DHX30: variants seen among roughly 807,000 people sequenced by gnomAD.
The protein encoded by DHX30 is DExH-box helicase 30, also known as ATP-dependent RNA helicase DHX30.
A neutral mutation model predicts 116.9 loss-of-function variants in DHX30; 4 were observed. The observed-to-expected ratio is 0.03, with a 90% CI of 0.02 to 0.08. The LOEUF (loss-of-function observed/expected upper bound fraction) is 0.08. Among genes scored for constraint, DHX30 ranks in the 10% least tolerant of loss-of-function variants. The probability of loss-of-function intolerance (pLI) is 1.00; values close to 1 mark genes in which losing one functional copy is unlikely to be tolerated. For synonymous variants in DHX30, 697 were observed against 651.7 expected (o/e 1.07, Z -1.06); for missense variants, 871 against 1,595.1 (o/e 0.55, Z 7.73).
At chr3:47,806,665 T>A (rs1226037071) in intron 2 of DHX30, among the ~76,000 whole-genome samples, 2 of 151,914 alleles carry the variant, frequency 1.3e-5, no homozygotes, top group East Asian at 3.9e-4. Context: ...CGTGCTGGTC[T>A]CGAACTCCTG....
At position 47,850,126 on chromosome 3, in the gene DHX30, G is replaced by T. The variant is rs753875060; in HGVS notation, c.*6G>T. 1.3e-6 allele frequency: 2 copies of T among 1,581,298 alleles called. No individual in the cohort carries two copies. Among genetic ancestry groups the T allele is most frequent in the African/African-American group, 1.3e-5 (1 of 74,586 alleles). On this transcript the variant is annotated 3_prime_UTR_variant, in exon 22 of 22. Transcript: ENST00000445061. Reference sequence around the variant, plus strand: ...GCAAGACAGCTGACGACTGAGCCCTGCTTCTGCTGGGGCTGTGTACAGAGT... The same window carrying T: ...GCAAGACAGCTGACGACTGAGCCCTTCTTCTGCTGGGGCTGTGTACAGAGT...
At position 47,846,394 on chromosome 3, in the gene DHX30, A is replaced by T; in HGVS notation, c.1322A>T (p.Asp441Val). ...CAGCTACCTGTGGACCCACATCGGG[A>T]CACCATCCTCAACGCCATTGAGCAG... The part of the protein sequence containing the change: ...APQLPVDPHR[D>V]TILNAIEQHP... Residue 441 changes from aspartate to valine, a missense_variant, in exon 11 of 22, where the codon GAC (aspartate) becomes GTC (valine). By Grantham distance (152) the Asp-to-Val change is radical. This residue lies in a region of DHX30 where 175 missense variants were observed against 292.9 expected (regional missense o/e 0.60). Coordinates refer to ENST00000445061, the MANE Select transcript of DHX30 (RefSeq NM_138615.3). The T allele has an allele frequency of 1.9e-6, 3 of 1,614,084 alleles. No individual in the cohort carries two copies. Among genetic ancestry groups the T allele is most frequent in the Non-Finnish European group, 2.5e-6 (3 of 1,180,040 alleles).
Position 47,847,377 on chromosome 3 carries a change from A to C in DHX30, c.2005+29A>C, listed in dbSNP as rs750367569. 1 of 1,614,194 alleles carries C rather than the reference A, an allele frequency of 6.2e-7. No homozygotes were observed. Among genetic ancestry groups the C allele is most frequent in the African/African-American group, 1.3e-5 (1 of 75,052 alleles). On this transcript the variant is annotated intron_variant, in intron 12 of 21. Coordinates refer to ENST00000445061, the MANE Select transcript of DHX30 (RefSeq NM_138615.3). This position sits in a 1 kb window ranked among gnomAD's most constrained non-coding sequence, Gnocchi z 5.5. ...GGTGCCTCCCCATCTGTCCCATGCT[A>C]GCCCTGGCCACGTTTGCAGCAACAG...
At chr3:47,832,787 C>T (rs2036920633) in intron 6 of DHX30, among the ~76,000 whole-genome samples, 1 of 151,890 alleles carries the variant, frequency 6.6e-6, no homozygotes, top group South Asian at 2.1e-4. Flanking sequence ...CAGGTGTGTG[C>T]CACCATGCTC....
intron 4 of DHX30, chr3:47,819,195 C>CTTT (rs543182585): frequency 8.3e-7 from 1 of 1,205,622 alleles, no homozygotes; most frequent in Non-Finnish European, 1.1e-6. Context: ...GTTGATTGCC[C>CTTT]TTTTTTTTTT....
chr3:47,828,076 T>C (rs2036628084), intron 5 of DHX30, among the ~76,000 whole-genome samples: 1 of 151,752 alleles, frequency 6.6e-6, no homozygotes, highest in South Asian at 2.1e-4. Context: ...CTCAGGGTAG[T>C]CTCAAACCCC....
rs1559723129 is a variant in DHX30 at position 47,847,929 on chromosome 3, G to A, written c.2259G>A (p.Lys753=). The change falls in exon 14 of 22, where the codon AAG becomes AAA. Residue 753 remains lysine (K), a synonymous_variant. Transcript: ENST00000445061. This position sits in a 1 kb window ranked among gnomAD's most constrained non-coding sequence, Gnocchi z 5.5. ...ATGTGGTGGACAGTGGGCTGCACAAGGAAGAACGCTATGACCTGAAGACCA... is the reference window on the plus strand; with the variant it reads ...ATGTGGTGGACAGTGGGCTGCACAAAGAAGAACGCTATGACCTGAAGACCA... ...IVHVVDSGLH[K]EERYDLKTKV... is the part of the protein sequence containing the mutation. The A allele has an allele frequency of 1.9e-6, 3 of 1,614,220 alleles. No homozygotes were observed. The highest frequency in any genetic ancestry group is 2.5e-6 in the Non-Finnish European group (3 of 1,180,024).
At chr3:47,823,788 T>C (rs1249625230) in intron 4 of DHX30, among the ~76,000 whole-genome samples, 1 of 152,174 alleles carries the variant, frequency 6.6e-6, no homozygotes, top group Non-Finnish European at 1.5e-5. Context: ...ATGGCCAGTG[T>C]TGCTTTGTGT....
Position 47,849,432 on chromosome 3 carries a change from T to G in DHX30, c.3088-19T>G. The stretch of plus-strand genomic sequence containing the variant: ...AGCTCCTTGCTCAGCCCCACCCGTC[T>G]TTTCCTCCATCCCTGCAGGTGAGGC... On this transcript the variant is annotated intron_variant, in intron 19 of 21. Transcript: ENST00000445061. 1 of 1,570,254 alleles carries G rather than the reference T, an allele frequency of 6.4e-7. No homozygotes were observed. Among genetic ancestry groups the G allele is most frequent in the Non-Finnish European group, 8.7e-7 (1 of 1,155,298 alleles).
intron 4 of DHX30, among the ~76,000 whole-genome samples, chr3:47,826,729 G>A (rs1017023588): frequency 1.3e-5 from 2 of 152,240 alleles, no homozygotes; most frequent in Non-Finnish European, 2.9e-5. Flanking sequence ...TGGGATTACA[G>A]GCGTGAGCCA....
intron 10 of DHX30, 25 bp from the exon 11 acceptor site, chr3:47,846,140 T>G: frequency 1.9e-6 from 3 of 1,591,632 alleles, no homozygotes; most frequent in Non-Finnish European, 2.6e-6. Flanking sequence ...TTTTTCATTG[T>G]TTTGCTTGCC....
At chr3:47,844,712 G>A (rs2037523308) in intron 9 of DHX30, among the ~76,000 whole-genome samples, 1 of 152,218 alleles carries the variant, frequency 6.6e-6, no homozygotes, top group Admixed American at 6.5e-5. Context: ...GAGGTGACAG[G>A]AACACAAGAC....
intron 3 of DHX30, chr3:47,816,359 T>C (rs1012562829): frequency 3.1e-5 from 24 of 784,076 alleles, no homozygotes; most frequent in Middle Eastern, 6.7e-4. Flanking sequence ...CCGTCTTCTT[T>C]TTTTTTTTTT....
At chr3:47,814,756 A>G (rs62263575) in intron 3 of DHX30, among the ~76,000 whole-genome samples, 95,142 of 151,934 alleles carry the variant, frequency 0.63, 30,590 homozygotes, top group East Asian at 0.72. Context: ...TCCTGACCTC[A>G]TGATCCACCC....
rs2037611873 is a variant in DHX30, at chr3:47,846,443, G to C, written c.1371G>C (p.Gly457=). 1.2e-6 allele frequency: 2 copies of C among 1,614,132 alleles called. No homozygotes were observed. The highest frequency in any genetic ancestry group is 1.1e-5 in the South Asian group (1 of 91,088). Residue 457 remains glycine, a synonymous_variant, in exon 11 of 22, where the codon GGG becomes GGC. Coordinates refer to ENST00000445061, the MANE Select transcript of DHX30 (RefSeq NM_138615.3). ...AGCACCCGGTGGTGGTCATCTCTGGGGACACGGGCTGTGGGAAGACCACGC... is the reference window on the plus strand; with the variant it reads ...AGCACCCGGTGGTGGTCATCTCTGGCGACACGGGCTGTGGGAAGACCACGC... ...IEQHPVVVIS[G]DTGCGKTTRI...
chr3:47,841,849 C>A (rs955608316), intron 8 of DHX30, 112 bp downstream of exon 8: 4 of 1,480,446 alleles, frequency 2.7e-6, no homozygotes, highest in Non-Finnish European at 1.9e-6. Context: ...CCAGCCCAAA[C>A]CTAGGCCAGG....
At chr3:47,832,163 G>A (rs562421245) in intron 6 of DHX30, among the ~76,000 whole-genome samples, 18 of 150,312 alleles carry the variant, frequency 1.2e-4, no homozygotes, top group Non-Finnish European at 3.0e-5. Context: ...CTTCTGCCTC[G>A]GCCTCCCAAA....
At chr3:47,804,074 C>T (rs1355172410) in intron 1 of DHX30, among the ~76,000 whole-genome samples, 1 of 152,194 alleles carries the variant, frequency 6.6e-6, no homozygotes, top group African/African-American at 2.4e-5. Context: ...CTTGAAGTTT[C>T]TTGCAAGGTG....
At position 47,827,571 on chromosome 3, in the gene DHX30, T is replaced by A. The variant is rs911883624; in HGVS notation, c.255+94T>A. The A allele has an allele frequency of 4.1e-6, 6 of 1,473,232 alleles. No homozygotes were observed. The African/African-American group carries it at 8.5e-5, about 21-fold the overall frequency. The allele number at this position is 1,473,232 out of a possible 1,614,324, so 91.3% of individuals were successfully genotyped here. A position where few individuals can be genotyped will look rare whatever the true frequency, so the allele number is the denominator to read the frequency against. On this transcript the variant is annotated intron_variant, in intron 5 of 21. Coordinates refer to ENST00000445061, the MANE Select transcript of DHX30 (RefSeq NM_138615.3). ...TTAGGTTTCTTTGTCAAGGAGGCCA[T>A]AGAATGGGTTTCCTGAATTAAAATG...
Sources: gnomAD v4.1 joint callset for allele counts (sites outside exome capture counted in the v4.1 genomes callset) on GRCh38, gnomAD v4.1.1 for gene constraint, gnomAD v4.1.1 regional missense constraint, Gnocchi (gnomAD v3.1) non-coding constraint, MANE v1.5 for transcripts, NCBI Gene and HGNC (gene_info 2026-07-23, HGNC 2026-07-21) for gene names.